The following RTRAF variants were observed in gnomAD, a reference collection of about 807,000 sequenced individuals.
RTRAF encodes the protein tRNA-splicing ligase complex subunit RTRAF.
Under a neutral mutation model 34.4 loss-of-function variants are expected in RTRAF, and 14 were observed. The ratio of observed to expected loss-of-function variants is 0.41; its 90% CI spans 0.27 to 0.64. The LOEUF (loss-of-function observed/expected upper bound fraction) is 0.64, where lower values mean the gene tolerates loss of function less well. Among genes scored for constraint, RTRAF ranks in the 30% least tolerant of loss-of-function variants. The pLI is 0.34. For synonymous variants in RTRAF, 96 were observed against 95.3 expected, an observed-to-expected ratio of 1.01 and a Z score of -0.04; for missense variants, 291 against 288.4, an observed-to-expected ratio of 1.01 and a Z score of -0.06.
intron 2 of RTRAF, among the ~76,000 whole-genome samples, chr14:51,992,996 C>G (rs867468879): frequency 5.9e-5 from 9 of 152,296 alleles, no homozygotes; most frequent in Middle Eastern, 3.4e-3. Context: ...TGCCATTGCA[C>G]TCCAGCCTGG....
At chr14:52,000,709 T>G (rs549544875) in intron 5 of RTRAF, among the ~76,000 whole-genome samples, 55 of 152,302 alleles carry the variant, frequency 3.6e-4, no homozygotes, top group African/African-American at 1.3e-3. Flanking sequence ...CCAGATTGCA[T>G]GCCAAAAGAC....
chr14:52,002,243 T>TTCTA (rs150910249), intron 6 of RTRAF, among the ~76,000 whole-genome samples: 10 of 152,366 alleles, frequency 6.6e-5, no homozygotes, highest in African/African-American at 1.9e-4. Context: ...AGTTTTCTTT[T>TTCTA]TCTATCTAAA....
chr14:51,993,847 T>A (rs1890474807), intron 3 of RTRAF, 25 bp downstream of exon 3: 1 of 1,376,946 alleles, frequency 7.3e-7, no homozygotes, highest in African/African-American at 1.5e-5. Flanking sequence ...GAATGTGTAT[T>A]TTAAAGAGAG....
At chr14:52,001,645 GT>G (rs779354510) in intron 5 of RTRAF, among the ~76,000 whole-genome samples, 152 bp from the exon 6 acceptor site, 4 of 151,828 alleles carry the variant, frequency 2.6e-5, no homozygotes, top group East Asian at 1.9e-4. Flanking sequence ...ATATTAGTGG[GT>G]TTTTTTTATT....
intron 5 of RTRAF, 117 bp downstream of exon 5, chr14:51,999,913 G>C (rs1890575929): frequency 3.0e-6 from 2 of 668,306 alleles, no homozygotes; most frequent in Admixed American, 2.8e-5. Context: ...ATACACAGAA[G>C]AATATGAAAC....
At chr14:51,996,417 G>A (rs887858923) in intron 3 of RTRAF, among the ~76,000 whole-genome samples, 1 of 152,040 alleles carries the variant, frequency 6.6e-6, no homozygotes, top group East Asian at 1.9e-4. Flanking sequence ...TGAAACCATT[G>A]TGAGTTTTTA....
chr14:52,006,458 C>CTG lies in RTRAF; in HGVS notation c.*1943_*1944dup. On this transcript the variant is annotated 3_prime_UTR_variant, in exon 8 of 8. Coordinates refer to ENST00000261700, the MANE Select transcript of RTRAF (RefSeq NM_016039.3). The stretch of plus-strand genomic sequence containing the variant: ...AGGGCTTAATGAGTCAAGTCAGGTA[C>CTG]TGACTTTTGGTAAAACAAGTGGTGT... The CTG allele has an allele frequency of 6.4e-7, 1 of 1,559,860 alleles. No individual in the cohort carries two copies. Among genetic ancestry groups the CTG allele is most frequent in the Non-Finnish European group, 8.7e-7 (1 of 1,144,120 alleles).
chr14:52,004,207 C>G lies in RTRAF; in HGVS notation c.545C>G (p.Ala182Gly). The G allele has an allele frequency of 1.2e-6, 2 of 1,613,152 alleles. No individual in the cohort carries two copies. Among genetic ancestry groups the G allele is most frequent in the Non-Finnish European group, 1.7e-6 (2 of 1,179,376 alleles). The change falls in exon 7 of 8, where the codon GCT becomes GGT. Residue 182 changes from alanine (A) to glycine (G), a missense_variant. Transcript: ENST00000261700. Reference protein sequence around the residue: ...ANQTKEGLPVALDKHILGFDT... With the variant: ...ANQTKEGLPVGLDKHILGFDT... ...CTTTTTTTAAAGGGCTTACCTGTTG[C>G]TTTAGACAAACATATTCTTGGTTTT...
chr14:51,999,868 AC>A, intron 5 of RTRAF, 72 bp downstream of exon 5: 2 of 1,030,884 alleles, frequency 1.9e-6, no homozygotes, highest in Non-Finnish European at 2.9e-6. Flanking sequence ...CTAAATATTA[AC>A]TATTGATATT....
rs995512958 is a variant in RTRAF, at chr14:52,006,862, G to A, written c.*2346G>A. 1.4e-5 allele frequency: 6 copies of A among 433,424 alleles called. No homozygotes were observed. The Admixed American group carries it at 2.1e-4, about 15-fold the overall frequency. 26.8% of individuals were successfully genotyped at this position (433,424 alleles called of 1,614,324 possible). A position where few individuals can be genotyped will look rare whatever the true frequency, so the allele number is the denominator to read the frequency against. On this transcript the variant is annotated 3_prime_UTR_variant, in exon 8 of 8. Coordinates refer to ENST00000261700, the MANE Select transcript of RTRAF (RefSeq NM_016039.3). Reference sequence around the variant, plus strand: ...AGATTCAAACTTTCAATCCTTTTTTGGAAGACAGGATTGCATTTACTGAAA... The same window carrying A: ...AGATTCAAACTTTCAATCCTTTTTTAGAAGACAGGATTGCATTTACTGAAA...
Position 52,005,726 on chromosome 14 carries a change from A to G in RTRAF, c.*1210A>G, listed in dbSNP as rs757278582. Reference sequence around the variant, plus strand: ...CTAATTTAAAGGAGCATCCTAAAGCATACTTTTTACCTGTTGGGCAGTAGG... The same window carrying G: ...CTAATTTAAAGGAGCATCCTAAAGCGTACTTTTTACCTGTTGGGCAGTAGG... On this transcript the variant is annotated 3_prime_UTR_variant, in exon 8 of 8. Transcript: ENST00000261700. 13 of 1,600,912 alleles carry G rather than the reference A, an allele frequency of 8.1e-6. No homozygotes were observed. Among genetic ancestry groups the G allele is most frequent in the African/African-American group, 1.3e-5 (1 of 74,688 alleles).
intron 3 of RTRAF, among the ~76,000 whole-genome samples, chr14:51,996,541 A>G (rs573266663): frequency 6.6e-6 from 1 of 152,214 alleles, no homozygotes; most frequent in Non-Finnish European, 1.5e-5. Context: ...AAAATAGTAC[A>G]AAGATTTTCA....
In RTRAF at chr14:52,008,143, G is replaced by A. The variant is rs193166898; in HGVS notation, c.*3627G>A. ...TTCTAGTGCATAGAGTATAGCAGAA[G>A]TGATAGGCTATCACTGCCGATATTC... On this transcript the variant is annotated 3_prime_UTR_variant, in exon 8 of 8. Coordinates refer to ENST00000261700, the MANE Select transcript of RTRAF (RefSeq NM_016039.3). 3.8e-6 allele frequency: 2 copies of A among 523,152 alleles called. No individual in the cohort carries two copies. Among genetic ancestry groups the A allele is most frequent in the Non-Finnish European group, 6.6e-6 (2 of 300,984 alleles). 32.4% of individuals were successfully genotyped at this position (523,152 alleles called of 1,614,324 possible). A position where few individuals can be genotyped will look rare whatever the true frequency, so the allele number is the denominator to read the frequency against.
rs778765729 is a variant in RTRAF at position 51,998,570 on chromosome 14, C to T, written c.363C>T (p.Ile121=). ...CAACTAAAAATGCAGAACCATTGATCAATTTGGATGGTGAGTATATAAATG... is the reference window on the plus strand; with the variant it reads ...CAACTAAAAATGCAGAACCATTGATTAATTTGGATGGTGAGTATATAAATG... ...DNATKNAEPL[I]NLDVNNPDFK... The change falls in exon 4 of 8, where the codon ATC becomes ATT. Residue 121 remains isoleucine (I), a synonymous_variant. Coordinates refer to ENST00000261700, the MANE Select transcript of RTRAF (RefSeq NM_016039.3). 6.3e-7 allele frequency: 1 copy of T among 1,587,934 alleles called. No homozygotes were observed. Among genetic ancestry groups the T allele is most frequent in the Non-Finnish European group, 8.6e-7 (1 of 1,165,088 alleles).
intron 3 of RTRAF, among the ~76,000 whole-genome samples, 188 bp downstream of exon 3, chr14:51,994,010 T>C (rs1890477097): frequency 6.6e-6 from 1 of 152,258 alleles, no homozygotes; most frequent in African/African-American, 2.4e-5. Context: ...AATTTGGAAA[T>C]GGTGCCCTCT....
intron 2 of RTRAF, among the ~76,000 whole-genome samples, chr14:51,993,502 A>C (rs1387273685): frequency 2.6e-5 from 4 of 152,196 alleles, no homozygotes; most frequent in Non-Finnish European, 5.9e-5. Flanking sequence ...CAGCTTTCTC[A>C]TCTATAAAAT....
rs555042731 is a variant in RTRAF, at chr14:51,991,528, G to C, written c.186+87G>C. The C allele has an allele frequency of 8.4e-6, 12 of 1,436,866 alleles. No homozygotes were observed. In the South Asian group the frequency reaches 1.4e-4, roughly 17 times the overall value. The allele number at this position is 1,436,866 out of a possible 1,614,324, so 89.0% of individuals were successfully genotyped here. On this transcript the variant is annotated intron_variant, in intron 2 of 7. Coordinates refer to ENST00000261700, the MANE Select transcript of RTRAF (RefSeq NM_016039.3). The stretch of plus-strand genomic sequence containing the variant: ...GCTTAAAATTACTTTCTTCTTTTAA[G>C]AAAAAAATGATAATGATCAGTGTTA...
At chr14:52,000,803 A>G (rs926607361) in intron 5 of RTRAF, among the ~76,000 whole-genome samples, 1 of 152,160 alleles carries the variant, frequency 6.6e-6, no homozygotes, top group African/African-American at 2.4e-5. Context: ...GAACTGTTCT[A>G]TAGTGATCAT....
At chr14:51,990,932 A>G (rs1418713952) in intron 1 of RTRAF, among the ~76,000 whole-genome samples, 4 of 152,350 alleles carry the variant, frequency 2.6e-5, no homozygotes, top group African/African-American at 7.2e-5. Context: ...TAGCAAAACT[A>G]TGTGCCAGGC....
Sources: allele counts gnomAD v4.1 joint callset (sites outside exome capture counted in the v4.1 genomes callset), GRCh38; gene constraint gnomAD v4.1.1; transcripts MANE v1.5; gene names NCBI Gene and HGNC (gene_info 2026-07-23, HGNC 2026-07-21).